The following PRDM11 variants were observed in gnomAD, a reference collection of about 807,000 sequenced individuals.
PRDM11 encodes PR domain-containing protein 11.
A neutral mutation model predicts 97.8 loss-of-function variants in PRDM11; 20 were observed. The observed-to-expected ratio is 0.20, with a 90% confidence interval of 0.14 to 0.30. The LOEUF (loss-of-function observed/expected upper bound fraction) is 0.30. PRDM11 is among the 10% of genes least tolerant of loss of function. PRDM11 has a pLI of 1.00. For synonymous variants in PRDM11, 599 were observed against 637.7 expected (o/e 0.94, Z 0.91); for missense variants, 1,139 against 1,555.2 (o/e 0.73, Z 4.50).
At chr11:45,117,577 C>T (rs1016138183) in intron 1 of PRDM11, among the ~76,000 whole-genome samples, 1 of 152,008 alleles carries the variant, frequency 6.6e-6, no homozygotes, top group African/African-American at 2.4e-5. Flanking sequence ...CAAGAACCCT[C>T]CTCTACAAGA....
chr11:45,203,246 CA>C (rs1166884787), intron 4 of PRDM11, among the ~76,000 whole-genome samples: 2 of 151,914 alleles, frequency 1.3e-5, no homozygotes, highest in Admixed American at 6.6e-5. Flanking sequence ...GCTCATGTGT[CA>C]AAACTTATCA....
chr11:45,167,759 C>CCACACACACACA (rs34333065), intron 1 of PRDM11, among the ~76,000 whole-genome samples: 1 of 143,324 alleles, frequency 7.0e-6, no homozygotes, highest in East Asian at 2.1e-4. Flanking sequence ...TCATTTCACA[C>CCACACACACACA]CACACACACA....
chr11:45,116,673 A>T (rs2135618771), intron 1 of PRDM11, among the ~76,000 whole-genome samples: 1 of 152,322 alleles, frequency 6.6e-6, no homozygotes, highest in East Asian at 1.9e-4. Context: ...TGAGAAAATA[A>T]TTTTTTGTTG....
intron 1 of PRDM11, among the ~76,000 whole-genome samples, chr11:45,135,128 A>ACTCTCT (rs58588988): frequency 0.012 from 1,718 of 148,908 alleles, 29 homozygotes; most frequent in African/African-American, 0.04. Flanking sequence ...TTTTAATTAT[A>ACTCTCT]CTCTCTCTCT....
rs1412804155 is a variant in PRDM11 at position 45,229,183 on chromosome 11, G to A, written c.*1024G>A. 1 of 152,178 alleles carries A rather than the reference G, an allele frequency of 6.6e-6. No homozygotes were observed. The highest frequency in any genetic ancestry group is 2.4e-5 in the African/African-American group (1 of 41,444). The allele number at this position is 152,178 out of a possible 1,614,324, so 9.4% of individuals were successfully genotyped here. A position where few individuals can be genotyped will look rare whatever the true frequency, so the allele number is the denominator to read the frequency against. On this transcript the variant is annotated 3_prime_UTR_variant, in exon 8 of 8. Transcript: ENST00000683152. ...TACTTTTTCTTTATAATCATATCAT[G>A]TGTTGAGGGTATTTTTTTTCCTTTA...
At chr11:45,187,892 G>T (rs79616887) in intron 4 of PRDM11, among the ~76,000 whole-genome samples, 2 of 151,884 alleles carry the variant, frequency 1.3e-5, no homozygotes, top group African/African-American at 4.8e-5. Context: ...CGTGAAGAAC[G>T]GCCCTGCCTG....
intron 5 of PRDM11, chr11:45,209,222 G>A (rs1416347703): frequency 4.7e-6 from 2 of 424,958 alleles, no homozygotes; most frequent in African/African-American, 2.0e-5. Context: ...TCAAGTCGGC[G>A]CTGCTCACGG....
intron 7 of PRDM11, chr11:45,225,110 T>C: frequency 4.2e-6 from 6 of 1,422,686 alleles, no homozygotes; most frequent in Non-Finnish European, 5.5e-6. Flanking sequence ...TGCTGTGTTC[T>C]TGACCCGTTG....
In PRDM11 at chr11:45,191,421, AC is replaced by A. The variant is rs1332632454; in HGVS notation, c.486+8299del. Among the ~76,000 whole-genome samples the A allele has an allele frequency of 9.2e-5, 14 of 152,210 alleles. No individual in the cohort carries two copies. In the East Asian group the frequency reaches 1.9e-3, roughly 21 times the overall value. ...TTTTCTCTTCTACATTTATTATTTG[AC>A]ATTCTTCTGTTTAAAAAAGATAGTG... On this transcript the variant is annotated intron_variant, in intron 4 of 7. Coordinates refer to ENST00000683152, the MANE Select transcript of PRDM11 (RefSeq NM_001384648.1).
chr11:45,094,262 G>A (rs1023933581), upstream of PRDM11, among the ~76,000 whole-genome samples: 2 of 152,174 alleles, frequency 1.3e-5, no homozygotes, highest in Non-Finnish European at 1.5e-5. Flanking sequence ...GTAGCAGGAG[G>A]TGAGACGATG....
At chr11:45,137,466 G>A (rs1852892030) in intron 1 of PRDM11, among the ~76,000 whole-genome samples, 1 of 152,032 alleles carries the variant, frequency 6.6e-6, no homozygotes, top group African/African-American at 2.4e-5. Flanking sequence ...AACACAGATG[G>A]GAGGCTGGGT....
chr11:45,158,800 C>A (rs1590391235), intron 1 of PRDM11, among the ~76,000 whole-genome samples: 1 of 152,110 alleles, frequency 6.6e-6, no homozygotes, highest in South Asian at 2.1e-4. Context: ...CTCGGTGCCC[C>A]CCCTTCTCTA....
chr11:45,207,006 G>T (rs1308009615), intron 5 of PRDM11, among the ~76,000 whole-genome samples: 2 of 152,172 alleles, frequency 1.3e-5, no homozygotes, highest in African/African-American at 4.8e-5. Flanking sequence ...TTGCTAGCAT[G>T]GTTTCTGTCC....
chr11:45,196,379 T>A (rs937394265), intron 4 of PRDM11, among the ~76,000 whole-genome samples: 2 of 152,188 alleles, frequency 1.3e-5, no homozygotes, highest in African/African-American at 4.8e-5. Flanking sequence ...TTAACTACGT[T>A]CTTCTGCCAG....
intron 1 of PRDM11, among the ~76,000 whole-genome samples, chr11:45,112,985 G>A (rs1172085346): frequency 6.6e-6 from 1 of 152,022 alleles, no homozygotes; most frequent in African/African-American, 2.4e-5. Context: ...TTTTGTTTTT[G>A]TTGCATTTGT....
At chr11:45,206,454 T>G (rs998082060) in intron 5 of PRDM11, among the ~76,000 whole-genome samples, 2 of 152,198 alleles carry the variant, frequency 1.3e-5, no homozygotes, top group African/African-American at 4.8e-5. Flanking sequence ...GCCCTGTGGC[T>G]GCAGCCTGGC....
chr11:45,154,659 T>G (rs1272594294), intron 1 of PRDM11, among the ~76,000 whole-genome samples: 1 of 151,882 alleles, frequency 6.6e-6, no homozygotes, highest in Non-Finnish European at 1.5e-5. Flanking sequence ...AGCTTTCCCT[T>G]CCAGTCCTGT....
At chr11:45,095,183 G>A (rs1411725988), upstream of PRDM11, among the ~76,000 whole-genome samples, 2 of 152,178 alleles carry the variant, frequency 1.3e-5, no homozygotes, top group African/African-American at 2.4e-5. Flanking sequence ...CCCAAAAGAA[G>A]GTGACAGCGA....
At chr11:45,106,243 G>T (rs527421496) in intron 1 of PRDM11, among the ~76,000 whole-genome samples, 1 of 152,126 alleles carries the variant, frequency 6.6e-6, no homozygotes, top group Non-Finnish European at 1.5e-5. Flanking sequence ...GCTTCCAGGG[G>T]CTCAGCAGTT....
Sources: gnomAD v4.1 joint callset for allele counts (sites outside exome capture counted in the v4.1 genomes callset) on GRCh38, gnomAD v4.1.1 for gene constraint, MANE v1.5 for transcripts, NCBI Gene and HGNC (gene_info 2026-07-23, HGNC 2026-07-21) for gene names.